The following TMIGD3 variants were observed in gnomAD, a reference collection of about 807,000 sequenced individuals.
TMIGD3 encodes the protein AD026 protein (AD026).
A neutral mutation model predicts 28.1 loss-of-function variants in TMIGD3; 21 were observed. The observed-to-expected ratio is 0.75, with a 90% CI of 0.53 to 1.08. TMIGD3 has a LOEUF of 1.08. TMIGD3 is among the 50% of genes least tolerant of loss of function. The probability of loss-of-function intolerance (pLI) is 0.00; values close to 1 mark genes in which losing one functional copy is unlikely to be tolerated. For missense variants in TMIGD3, 416 were observed against 435.6 expected (o/e 0.96, Z 0.40); for synonymous variants, 151 against 162.1 (o/e 0.93, Z 0.52).
chr1:111,563,855 G>T, exon 1 of TMIGD3: 1 of 1,612,838 alleles, frequency 6.2e-7, no homozygotes, highest in Non-Finnish European at 8.5e-7. Flanking sequence ...CTGTGACTCA[G>T]GACTCAAGCA....
intron 1 of TMIGD3, chr1:111,500,851 AG>A: frequency 6.0e-6 from 3 of 497,696 alleles, no homozygotes; most frequent in Admixed American, 3.6e-5. Context: ...CCTAGAGTCA[AG>A]TGCTTACGTG....
At chr1:111,524,047 T>TTTTTTTTTTTTTTTTTTTTTTTTTTGGG (rs1553203774) in intron 1 of TMIGD3, among the ~76,000 whole-genome samples, 1 of 130,288 alleles carries the variant, frequency 7.7e-6, no homozygotes, top group African/African-American at 2.7e-5. Context: ...TTTTTTTTTT[T>TTTTTTTTTTTTTTTTTTTTTTTTTTGGG]GGGATGGAAT....
intron 1 of TMIGD3, among the ~76,000 whole-genome samples, chr1:111,541,003 G>A (rs1055563036): frequency 6.9e-5 from 10 of 144,238 alleles, no homozygotes; most frequent in Admixed American, 6.0e-4. Context: ...AATATTTTAG[G>A]CATTGGAAGC....
At chr1:111,554,306 A>T (rs2101039443) in intron 1 of TMIGD3, among the ~76,000 whole-genome samples, 1 of 152,370 alleles carries the variant, frequency 6.6e-6, no homozygotes, top group Admixed American at 6.5e-5. Context: ...GAATTTGAAA[A>T]ACCTTTCTTA....
chr1:111,496,561 C>T (rs1184184470), intron 1 of TMIGD3, among the ~76,000 whole-genome samples: 1 of 152,234 alleles, frequency 6.6e-6, no homozygotes, highest in African/African-American at 2.4e-5. Context: ...GGATTTTCCA[C>T]TTTAACCAAT....
intron 1 of TMIGD3, among the ~76,000 whole-genome samples, chr1:111,547,561 G>C (rs892131438): frequency 1.3e-5 from 2 of 152,116 alleles, no homozygotes; most frequent in Non-Finnish European, 2.9e-5. Flanking sequence ...GATGATACTA[G>C]CCACTTAGTT....
At chr1:111,486,830 G>A (rs1654400156) in intron 3 of TMIGD3, among the ~76,000 whole-genome samples, 178 bp from the exon 4 acceptor site, 1 of 152,248 alleles carries the variant, frequency 6.6e-6, no homozygotes, top group African/African-American at 2.4e-5. Context: ...AGGGAACAAG[G>A]CTGAGGGGAC....
intron 1 of TMIGD3, among the ~76,000 whole-genome samples, chr1:111,510,064 T>C (rs1655639451): frequency 6.6e-6 from 1 of 152,236 alleles, no homozygotes; most frequent in Non-Finnish European, 1.5e-5. Flanking sequence ...AGTATCCTAA[T>C]GGGTAGACTT....
intron 1 of TMIGD3, among the ~76,000 whole-genome samples, chr1:111,524,619 CT>C (rs1371823271): frequency 2.0e-5 from 3 of 152,094 alleles, no homozygotes; most frequent in East Asian, 1.9e-4. Context: ...TTTATGCCCC[CT>C]ACCCCCATTT....
At chr1:111,504,137 T>C (rs1205382270), upstream of TMIGD3, 1 of 985,280 alleles carries the variant, frequency 1.0e-6, no homozygotes, top group East Asian at 1.1e-4. Context: ...GTCAAAGGGA[T>C]AAGCAAAGAT....
Position 111,503,043 on chromosome 1 carries a change from G to A in TMIGD3, c.312C>T (p.Ile104=), listed in dbSNP as rs769936364. The change falls in exon 1 of 6, where the codon ATC becomes ATT. Residue 104 remains isoleucine (I), a synonymous_variant. Coordinates refer to ENST00000369716, the MANE Select transcript of TMIGD3 (RefSeq NM_020683.7). The stretch of plus-strand genomic sequence containing the variant: ...TGACCCGCAAGTATCGGTCCACAGC[G>A]ATGGCCAGCAAGGACATGATGGAGG... ...THASIMSLLA[I]AVDRYLRVKL... 15 of 1,614,052 alleles carry A rather than the reference G, an allele frequency of 9.3e-6. No homozygotes were observed. Among genetic ancestry groups the A allele is most frequent in the East Asian group, 4.5e-5 (2 of 44,896 alleles).
Position 111,525,156 on chromosome 1 carries a change from A to C in TMIGD3, c.108-34394T>G, listed in dbSNP as rs1483840357. Among the ~76,000 whole-genome samples the C allele has an allele frequency of 2.6e-5, 4 of 152,266 alleles. No individual in the cohort carries two copies. In the East Asian group the frequency reaches 7.7e-4, roughly 29 times the overall value. On this transcript the variant is annotated intron_variant, in intron 1 of 5. Transcript: ENST00000369717. Reference sequence around the variant, plus strand: ...TATGTATTCTACTGTTGTTGTGTGGATAGGTCTATAACTGCCAGTTTGGCC... The same window carrying C: ...TATGTATTCTACTGTTGTTGTGTGGCTAGGTCTATAACTGCCAGTTTGGCC...
In TMIGD3 at chr1:111,488,854, C is replaced by T. The variant is rs138975338; in HGVS notation, c.628G>A (p.Ala210Thr). The T allele has an allele frequency of 6.2e-5, 100 of 1,614,176 alleles. No individual in the cohort carries two copies. The East Asian group carries it at 1.8e-3, about 29-fold the overall frequency. Residue 210 changes from alanine (A) to threonine (T), a missense_variant, in exon 3 of 6, where the codon GCC becomes ACC. By Grantham distance (58) the Ala-to-Thr change is moderately conservative. Transcript: ENST00000369716. ...AFSPNSTNHV[A>T]LRDTGNQLIV... ...AGCTGGTTCCCTGTGTCCCTCAGGG[C>T]CACATGATTGGTGCTGTTAGGGGAG...
chr1:111,563,064 G>A (rs747941484), intron 1 of TMIGD3, among the ~76,000 whole-genome samples: 2 of 152,176 alleles, frequency 1.3e-5, no homozygotes, highest in Non-Finnish European at 2.9e-5. Context: ...AAGAGAGTAA[G>A]CAGCGTACTC....
At chr1:111,519,920 T>C (rs1360375321) in intron 1 of TMIGD3, among the ~76,000 whole-genome samples, 1 of 152,060 alleles carries the variant, frequency 6.6e-6, no homozygotes, top group Non-Finnish European at 1.5e-5. Context: ...CTCGAACTCC[T>C]GACCTCAGGT....
At chr1:111,522,941 G>C (rs1656129673) in intron 1 of TMIGD3, among the ~76,000 whole-genome samples, 1 of 152,206 alleles carries the variant, frequency 6.6e-6, no homozygotes, top group African/African-American at 2.4e-5. Context: ...AAAAAAAGAA[G>C]TCATACTCAT....
At chr1:111,483,793 G>A in intron 5 of TMIGD3, 36 bp from the exon 6 acceptor site, 1 of 1,546,050 alleles carries the variant, frequency 6.5e-7, no homozygotes, top group Non-Finnish European at 8.9e-7. Flanking sequence ...ATGGAGTTGA[G>A]ATCTATTGCC....
At chr1:111,514,860 C>G (rs1056783492) in intron 1 of TMIGD3, among the ~76,000 whole-genome samples, 13 of 152,170 alleles carry the variant, frequency 8.5e-5, no homozygotes, top group Admixed American at 3.9e-4. Flanking sequence ...CAGAGGCTCT[C>G]CCTGGATCCT....
At chr1:111,508,822 C>T (rs1655598299) in intron 1 of TMIGD3, among the ~76,000 whole-genome samples, 1 of 152,220 alleles carries the variant, frequency 6.6e-6, no homozygotes, top group African/African-American at 2.4e-5. Flanking sequence ...CACCGCCAGG[C>T]GCGGTGGCTC....
Sources: allele counts gnomAD v4.1 joint callset (sites outside exome capture counted in the v4.1 genomes callset), GRCh38; gene constraint gnomAD v4.1.1; transcripts MANE v1.5; gene names NCBI Gene and HGNC (gene_info 2026-07-23, HGNC 2026-07-21).